Variants in ZNF69 observed in about 807,000 individuals in gnomAD.
The protein encoded by ZNF69 is zinc finger protein 69.
Under a neutral mutation model 50.9 loss-of-function variants are expected in ZNF69, and 47 were observed. That is an observed-to-expected ratio of 0.92 (90% CI 0.73 to 1.18). The LOEUF (loss-of-function observed/expected upper bound fraction) is 1.18. ZNF69 is among the 50% of genes most tolerant of loss of function. ZNF69 has a pLI of 0.00. For synonymous variants in ZNF69, 216 were observed against 223.1 expected, an observed-to-expected ratio of 0.97 and a Z score of 0.29; for missense variants, 717 against 675.1, an observed-to-expected ratio of 1.06 and a Z score of -0.69.
the ZNF69 span, among the ~76,000 whole-genome samples, chr19:11,933,744 A>T: frequency 5.4e-5 from 8 of 147,130 alleles, 1 homozygote; most frequent in South Asian, 8.4e-4. Flanking sequence ...TCTAAAAAAA[A>T]TTTTGTTTTT....
At chr19:11,919,372 G>A in the ZNF69 span, among the ~76,000 whole-genome samples, 2 of 152,200 alleles carry the variant, frequency 1.3e-5, no homozygotes, top group Non-Finnish European at 2.9e-5. Flanking sequence ...CATCTGCTAT[G>A]TGATAAAGTC....
chr19:11,979,059 T>TG, the ZNF69 span: 14 of 1,614,056 alleles, frequency 8.7e-6, no homozygotes, highest in African/African-American at 1.6e-4. Context: ...AGCATTATCT[T>TG]ATAAGTTTTC....
At chr19:11,937,458 G>A in the ZNF69 span, among the ~76,000 whole-genome samples, 1 of 149,356 alleles carries the variant, frequency 6.7e-6, no homozygotes, top group Non-Finnish European at 1.5e-5. Context: ...TTTAATACAT[G>A]TCTTTATAGT....
chr19:11,904,655 C>G lies in ZNF69; in HGVS notation c.258C>G (p.Leu86=). 1 of 1,611,500 alleles carries G rather than the reference C, an allele frequency of 6.2e-7. No homozygotes were observed. Among genetic ancestry groups the G allele is most frequent in the East Asian group, 2.2e-5 (1 of 44,866 alleles). The change falls in exon 4 of 4, where the codon CTC becomes CTG. Residue 86 remains leucine (L), a synonymous_variant. Coordinates refer to ENST00000429654, the MANE Select transcript of ZNF69 (RefSeq NM_001364730.1). The stretch of plus-strand genomic sequence containing the variant: ...TGCTTCTCATTTTTGACAGGAGTCT[C>G]ATAGAAAAGAAAGTCAATGAAATTA... ...YQNPRRNFRS[L]IEKKVNEIKD...
chr19:11,935,305 C>T, the ZNF69 span, among the ~76,000 whole-genome samples: 6 of 129,888 alleles, frequency 4.6e-5, no homozygotes, highest in South Asian at 2.7e-4. Context: ...GGTGTAATCT[C>T]GGCTCACTGC....
chr19:11,920,128 T>C, the ZNF69 span, among the ~76,000 whole-genome samples: 1 of 150,250 alleles, frequency 6.7e-6, no homozygotes, highest in Non-Finnish European at 1.5e-5. Context: ...TTTTTCTTCC[T>C]GAGATGGAGT....
the ZNF69 span, among the ~76,000 whole-genome samples, chr19:11,958,566 G>A: frequency 3.0e-4 from 46 of 152,304 alleles, no homozygotes; most frequent in Non-Finnish European, 1.5e-4. Flanking sequence ...TTGAGACCCC[G>A]GTGGAAGGAC....
chr19:11,951,909 T>C, the ZNF69 span, among the ~76,000 whole-genome samples: 1 of 152,226 alleles, frequency 6.6e-6, no homozygotes, highest in African/African-American at 2.4e-5. Flanking sequence ...ACACTGTGGC[T>C]CACGCCTGTA....
chr19:11,902,099 C>T (rs1568277334), intron 1 of ZNF69, among the ~76,000 whole-genome samples: 2 of 151,316 alleles, frequency 1.3e-5, no homozygotes, highest in East Asian at 2.0e-4. Context: ...TCTCCTGCCT[C>T]AGCCTCCTGA....
At chr19:11,918,654 G>A (rs1025541269), downstream of ZNF69, among the ~76,000 whole-genome samples, 2 of 151,510 alleles carry the variant, frequency 1.3e-5, no homozygotes, top group South Asian at 2.1e-4. Context: ...AGGGTGTCAC[G>A]GTTTTGCCCA....
the ZNF69 span, among the ~76,000 whole-genome samples, chr19:11,957,951 C>T: frequency 6.6e-6 from 1 of 152,028 alleles, no homozygotes; most frequent in Admixed American, 6.6e-5. Context: ...AAACTGTTCA[C>T]CTAATGGTTT....
At chr19:11,925,120 G>C in the ZNF69 span, 11 of 1,509,890 alleles carry the variant, frequency 7.3e-6, no homozygotes, top group Non-Finnish European at 1.0e-5. Flanking sequence ...CACCTTCCTC[G>C]CTGCGCGGGC....
At chr19:11,895,816 C>T (rs1230145811) in intron 1 of ZNF69, among the ~76,000 whole-genome samples, 1 of 152,176 alleles carries the variant, frequency 6.6e-6, no homozygotes, top group Non-Finnish European at 1.5e-5. Context: ...GGGTAGTAAA[C>T]TGATTATTCT....
intron 1 of ZNF69, among the ~76,000 whole-genome samples, chr19:11,889,338 T>C (rs1568270446): frequency 1.3e-5 from 2 of 152,306 alleles, no homozygotes; most frequent in Middle Eastern, 3.4e-3. Flanking sequence ...TGTAAACTCC[T>C]AAAGGGAGAG....
the ZNF69 span, chr19:11,948,797 C>G: frequency 2.5e-6 from 4 of 1,610,316 alleles, no homozygotes; most frequent in East Asian, 6.7e-5. Flanking sequence ...TGTGGTAAAT[C>G]CTTTACTTAT....
At chr19:11,960,125 C>T in the ZNF69 span, among the ~76,000 whole-genome samples, 1 of 151,572 alleles carries the variant, frequency 6.6e-6, no homozygotes, top group Non-Finnish European at 1.5e-5. Context: ...ACCTCTGCCT[C>T]CTAGGTTCAA....
chr19:11,967,167 T>G, the ZNF69 span, among the ~76,000 whole-genome samples: 1 of 152,096 alleles, frequency 6.6e-6, no homozygotes, highest in Non-Finnish European at 1.5e-5. Flanking sequence ...AAACCTCTTC[T>G]CTTCCAAAAA....
chr19:11,974,114 TTTCTTTC>T, the ZNF69 span, among the ~76,000 whole-genome samples: 1 of 84,918 alleles, frequency 1.2e-5, no homozygotes, highest in African/African-American at 4.6e-5. Context: ...TCTTTCTTTC[TTTCTTTC>T]TTTCTTTTCT....
the ZNF69 span, among the ~76,000 whole-genome samples, chr19:11,934,993 C>T: frequency 2.7e-5 from 4 of 146,348 alleles, no homozygotes; most frequent in African/African-American, 5.4e-5. Context: ...CTGGCTAACA[C>T]TGTGAAACCC....
Sources: gnomAD v4.1 joint callset for allele counts (sites outside exome capture counted in the v4.1 genomes callset) on GRCh38, gnomAD v4.1.1 for gene constraint, MANE v1.5 for transcripts, NCBI Gene and HGNC (gene_info 2026-07-23, HGNC 2026-07-21) for gene names.